BRMS1L: variants seen among roughly 807,000 people sequenced by gnomAD.
BRMS1L encodes breast cancer metastasis-suppressor 1-like protein.
A neutral mutation model predicts 50.3 loss-of-function variants in BRMS1L; 23 were observed. That is an observed-to-expected ratio of 0.46 (90% CI 0.33 to 0.65). The LOEUF is 0.65. Among genes scored for constraint, BRMS1L ranks in the 30% least tolerant of loss-of-function variants. BRMS1L has a pLI of 0.02. For missense variants in BRMS1L, 286 were observed against 386.1 expected, an observed-to-expected ratio of 0.74 and a Z score of 2.17; for synonymous variants, 114 against 126.9, an observed-to-expected ratio of 0.90 and a Z score of 0.69.
chr14:35,852,238 G>C (rs190132333), intron 4 of BRMS1L, among the ~76,000 whole-genome samples: 5 of 152,278 alleles, frequency 3.3e-5, no homozygotes, highest in African/African-American at 1.2e-4. Flanking sequence ...ACAATGTCTT[G>C]CTCTATCACT....
chr14:35,826,783 T>C, intron 1 of BRMS1L, 125 bp downstream of exon 1: 2 of 1,372,878 alleles, frequency 1.5e-6, no homozygotes, highest in Non-Finnish European at 2.0e-6. Context: ...GGGCGGAGAC[T>C]GGCTCTGGGC....
intron 1 of BRMS1L, among the ~76,000 whole-genome samples, chr14:35,827,001 C>G (rs1228474315): frequency 6.6e-6 from 1 of 152,216 alleles, no homozygotes; most frequent in Non-Finnish European, 1.5e-5. Context: ...CGACCTCTTT[C>G]CCTATTTTCA....
Position 35,828,944 on chromosome 14 carries a change from CTT to C in BRMS1L, c.142+2297_142+2298del, listed in dbSNP as rs113694378. On this transcript the variant is annotated intron_variant, in intron 1 of 9. Transcript: ENST00000216807. ...AAGGAGACTGTATGGGAATATATTTCTTTTTTTTTTTTCTTTTTTTTGAGACA... is the reference window on the plus strand; with the variant it reads ...AAGGAGACTGTATGGGAATATATTTCTTTTTTTTTTCTTTTTTTTGAGACA... Among the ~76,000 whole-genome samples, 64 of 145,194 alleles carry C rather than the reference CTT, an allele frequency of 4.4e-4. 2 individuals carry two copies. Among genetic ancestry groups the C allele is most frequent in the African/African-American group, 1.4e-3 (56 of 39,640 alleles).
At chr14:35,865,817 G>A in intron 8 of BRMS1L, 56 bp downstream of exon 8, 1 of 1,465,398 alleles carries the variant, frequency 6.8e-7, no homozygotes, top group Admixed American at 2.0e-5. Flanking sequence ...GTTGAATCAG[G>A]GTTGTTATCT....
chr14:35,841,851 C>T (rs1181591146), intron 4 of BRMS1L, among the ~76,000 whole-genome samples: 2 of 152,152 alleles, frequency 1.3e-5, no homozygotes, highest in Non-Finnish European at 2.9e-5. Context: ...AATCTGCATG[C>T]TCCTGTATTG....
rs566457070 is a variant in BRMS1L at position 35,828,113 on chromosome 14, A to G, written c.142+1455A>G. The stretch of plus-strand genomic sequence containing the variant: ...GTGGCGGTAGCATCAACAGAAATAG[A>G]AAAGTGAAAGATTTGAGATGAAGGT... On this transcript the variant is annotated intron_variant, in intron 1 of 9. Coordinates refer to ENST00000216807, the MANE Select transcript of BRMS1L (RefSeq NM_032352.4). 5.9e-5 allele frequency among the ~76,000 whole-genome samples: 9 copies of G among 152,304 alleles called. No homozygotes were observed. The South Asian group carries it at 1.2e-3, about 21-fold the overall frequency.
intron 1 of BRMS1L, among the ~76,000 whole-genome samples, chr14:35,828,481 T>A (rs112458480): frequency 1.7e-4 from 26 of 149,418 alleles, no homozygotes; most frequent in African/African-American, 6.4e-4. Flanking sequence ...CTTTTTTTTT[T>A]TTTTTTTTTG....
intron 3 of BRMS1L, 23 bp from the exon 4 acceptor site, chr14:35,834,821 A>G: frequency 6.8e-7 from 1 of 1,466,074 alleles, no homozygotes. Context: ...TAACATAATC[A>G]GAGTAATTGT....
chr14:35,840,249 A>C (rs1339757563), intron 4 of BRMS1L, among the ~76,000 whole-genome samples: 1 of 152,094 alleles, frequency 6.6e-6, no homozygotes, highest in Non-Finnish European at 1.5e-5. Flanking sequence ...AAGCTTTTTG[A>C]TGTGCTGCTG....
At chr14:35,846,030 C>T (rs537156327) in intron 4 of BRMS1L, among the ~76,000 whole-genome samples, 1 of 152,166 alleles carries the variant, frequency 6.6e-6, no homozygotes, top group Non-Finnish European at 1.5e-5. Context: ...CCCCTGAGTC[C>T]TTTAATGTAT....
Position 35,826,386 on chromosome 14 carries a change from G to C in BRMS1L, c.-131G>C. On this transcript the variant is annotated 5_prime_UTR_variant, in exon 1 of 10. Coordinates refer to ENST00000216807, the MANE Select transcript of BRMS1L (RefSeq NM_032352.4). ...GGGTTAGGTTGTGAGGCCCGGGCCG[G>C]GGGCGGGGAGGAGCCAAGGGGGCGA... 1 of 1,376,784 alleles carries C rather than the reference G, an allele frequency of 7.3e-7. No individual in the cohort carries two copies. The highest frequency in any genetic ancestry group is 9.9e-7 in the Non-Finnish European group (1 of 1,011,054). The allele number at this position is 1,376,784 out of a possible 1,614,324, so 85.3% of individuals were successfully genotyped here.
intron 4 of BRMS1L, among the ~76,000 whole-genome samples, chr14:35,841,471 G>C (rs2078062117): frequency 6.6e-6 from 1 of 151,986 alleles, no homozygotes; most frequent in African/African-American, 2.4e-5. Context: ...CTAATCTTTT[G>C]TATTTTTAGT....
chr14:35,833,611 T>G (rs905479797), intron 3 of BRMS1L, among the ~76,000 whole-genome samples: 1 of 152,186 alleles, frequency 6.6e-6, no homozygotes, highest in Non-Finnish European at 1.5e-5. Context: ...CATTTGTGGC[T>G]ACAAATAAAC....
intron 5 of BRMS1L, 142 bp from the exon 6 acceptor site, chr14:35,863,728 A>C (rs1191260413): frequency 3.0e-6 from 2 of 660,242 alleles, no homozygotes; most frequent in Non-Finnish European, 5.2e-6. Flanking sequence ...AATTATGTAC[A>C]GCTTAATCTA....
intron 4 of BRMS1L, among the ~76,000 whole-genome samples, chr14:35,858,242 G>A (rs2078307064): frequency 6.6e-6 from 1 of 152,082 alleles, no homozygotes. Flanking sequence ...TAATCCATCA[G>A]CCTCATTTTC....
At chr14:35,849,093 G>A (rs1369195905) in intron 4 of BRMS1L, among the ~76,000 whole-genome samples, 3 of 151,718 alleles carry the variant, frequency 2.0e-5, no homozygotes, top group Non-Finnish European at 2.9e-5. Flanking sequence ...GGGCTCAAGT[G>A]ATCCTCCCAC....
chr14:35,855,480 C>G (rs2078268101), intron 4 of BRMS1L, among the ~76,000 whole-genome samples: 1 of 152,122 alleles, frequency 6.6e-6, no homozygotes, highest in South Asian at 2.1e-4. Context: ...TGTTGGGTAT[C>G]TAGTCCACTG....
At chr14:35,840,009 T>A in intron 4 of BRMS1L, among the ~76,000 whole-genome samples, 1 of 152,244 alleles carries the variant, frequency 6.6e-6, no homozygotes, top group South Asian at 2.1e-4. Context: ...TGTGGGTTTG[T>A]CATAAATAGC....
intron 4 of BRMS1L, among the ~76,000 whole-genome samples, chr14:35,857,885 T>G (rs2078301371): frequency 6.6e-6 from 1 of 151,884 alleles, no homozygotes; most frequent in African/African-American, 2.4e-5. Context: ...CCTTAGCAGA[T>G]CTATGAGGGC....
Sources: gnomAD v4.1 joint callset for allele counts (sites outside exome capture counted in the v4.1 genomes callset) on GRCh38, gnomAD v4.1.1 for gene constraint, MANE v1.5 for transcripts, NCBI Gene and HGNC (gene_info 2026-07-23, HGNC 2026-07-21) for gene names.